BLTP1: variants seen among roughly 807,000 people sequenced by gnomAD.
The protein encoded by BLTP1 is bridge-like lipid transfer protein family member 1.
the BLTP1 span, chr4:122,152,854 G>T: frequency 2.5e-6 from 1 of 400,952 alleles, no homozygotes; most frequent in Admixed American, 6.4e-5. Flanking sequence ...TGATGGTAAG[G>T]CGCTCCACTT....
chr4:122,206,840 GA>G, the BLTP1 span, among the ~76,000 whole-genome samples: 1 of 151,242 alleles, frequency 6.6e-6, no homozygotes, highest in Admixed American at 6.6e-5. Context: ...AACAGCAGGT[GA>G]TTTTTTTTTA....
the BLTP1 span, chr4:122,185,976 TAA>T: frequency 6.0e-6 from 8 of 1,328,628 alleles, no homozygotes; most frequent in Non-Finnish European, 7.2e-6. Flanking sequence ...AATGTTTGAG[TAA>T]AAACTTTGAA....
chr4:122,153,484 A>G, the BLTP1 span, among the ~76,000 whole-genome samples: 1 of 152,136 alleles, frequency 6.6e-6, no homozygotes, highest in East Asian at 1.9e-4. Context: ...TACTATTCCC[A>G]TTTTCTAGAT....
chr4:122,263,662 T>C, the BLTP1 span: 1 of 1,026,934 alleles, frequency 9.7e-7, no homozygotes, highest in Non-Finnish European at 1.4e-6. Flanking sequence ...CAAAATCTTA[T>C]TTTTCAGGGG....
chr4:122,214,413 G>C, the BLTP1 span: 1 of 970,140 alleles, frequency 1.0e-6, no homozygotes, highest in Non-Finnish European at 1.2e-6. Flanking sequence ...TTTTTCTGGG[G>C]TTGTTTGGAA....
At chr4:122,183,732 A>T in the BLTP1 span, among the ~76,000 whole-genome samples, 4 of 152,116 alleles carry the variant, frequency 2.6e-5, no homozygotes, top group Admixed American at 2.6e-4. Context: ...GAGAAGATCA[A>T]TTTTTTCCAA....
the BLTP1 span, chr4:122,345,093 A>C: frequency 1.2e-6 from 1 of 851,014 alleles, no homozygotes; most frequent in South Asian, 5.4e-5. Flanking sequence ...CATAATTATG[A>C]ATCAAATAAA....
At chr4:122,196,797 T>G in the BLTP1 span, 3 of 1,451,838 alleles carry the variant, frequency 2.1e-6, no homozygotes, top group Non-Finnish European at 2.8e-6. Context: ...ATAGGGTAAT[T>G]ATTATAATAA....
At chr4:122,214,000 G>A in the BLTP1 span, among the ~76,000 whole-genome samples, 1 of 151,924 alleles carries the variant, frequency 6.6e-6, no homozygotes, top group African/African-American at 2.4e-5. Context: ...GGGTATATAT[G>A]GCATATATGT....
chr4:122,311,726 A>T, the BLTP1 span, among the ~76,000 whole-genome samples: 1 of 152,232 alleles, frequency 6.6e-6, no homozygotes, highest in African/African-American at 2.4e-5. Context: ...ATATTAGGAC[A>T]ATATCATGAA....
At chr4:122,206,006 CT>C in the BLTP1 span, 1 of 984,238 alleles carries the variant, frequency 1.0e-6, no homozygotes, top group East Asian at 1.1e-4. Context: ...GTGCTAATGT[CT>C]TTAAAGAGCT....
At chr4:122,305,802 C>T in the BLTP1 span, 2 of 1,391,910 alleles carry the variant, frequency 1.4e-6, no homozygotes, top group Non-Finnish European at 9.5e-7. Flanking sequence ...GTGAACAATA[C>T]CATTAATAAT....
chr4:122,229,818 C>T, the BLTP1 span: 43 of 1,318,670 alleles, frequency 3.3e-5, no homozygotes, highest in African/African-American at 4.5e-4. Flanking sequence ...TTATTTTCTC[C>T]TTCCATTTAT....
At chr4:122,322,880 G>A in the BLTP1 span, among the ~76,000 whole-genome samples, 1 of 152,124 alleles carries the variant, frequency 6.6e-6, no homozygotes, top group South Asian at 2.1e-4. Context: ...TTCTTATTCA[G>A]AAAAAGAAAG....
At chr4:122,340,602 T>A in the BLTP1 span, 1 of 302,328 alleles carries the variant, frequency 3.3e-6, no homozygotes, top group Non-Finnish European at 4.9e-6. Context: ...TTATAGGAAA[T>A]CATTTGTTTT....
the BLTP1 span, among the ~76,000 whole-genome samples, chr4:122,232,478 G>T: frequency 2.0e-5 from 3 of 152,098 alleles, no homozygotes; most frequent in Admixed American, 6.5e-5. Flanking sequence ...TCCTATAGGG[G>T]ATAACGTAGT....
chr4:122,274,343 A>G, the BLTP1 span: 1 of 1,390,998 alleles, frequency 7.2e-7, no homozygotes, highest in Non-Finnish European at 1.0e-6. Context: ...CATATTTAAG[A>G]TGTTTTACAT....
the BLTP1 span, among the ~76,000 whole-genome samples, chr4:122,166,480 TGTA>T: frequency 6.6e-6 from 1 of 152,246 alleles, no homozygotes; most frequent in Non-Finnish European, 1.5e-5. Flanking sequence ...ACTGTAGCCT[TGTA>T]GTATAGTTTG....
the BLTP1 span, chr4:122,305,790 T>G: frequency 2.3e-5 from 32 of 1,371,258 alleles, no homozygotes; most frequent in Admixed American, 9.1e-4. Context: ...ATAGTTTTTT[T>G]GGTGAACAAT....
Sources: gnomAD v4.1 joint callset for allele counts (sites outside exome capture counted in the v4.1 genomes callset) on GRCh38, gnomAD v4.1.1 for gene constraint, MANE v1.5 for transcripts, NCBI Gene and HGNC (gene_info 2026-07-23, HGNC 2026-07-21) for gene names.